The following SORCS1 variants were observed in gnomAD, a reference collection of about 807,000 sequenced individuals.
The protein encoded by SORCS1 is sortilin related VPS10 domain containing receptor 1, also known as VPS10 domain-containing receptor SorCS1.
SORCS1 carries 60 observed loss-of-function variants against 146.1 expected under a neutral mutation model. The ratio of observed to expected loss-of-function variants is 0.41; its 90% CI spans 0.33 to 0.51. SORCS1 has a LOEUF of 0.51. SORCS1 is among the 20% of genes least tolerant of loss of function. The pLI, the probability that SORCS1 is intolerant of heterozygous loss-of-function variation, is 0.21. For synonymous variants in SORCS1, 637 were observed against 584.0 expected (o/e 1.09, Z -1.31); for missense variants, 1,352 against 1,487.6 (o/e 0.91, Z 1.50).
At chr10:106,893,550 G>A (rs539831239) in intron 2 of SORCS1, among the ~76,000 whole-genome samples, 1 of 151,964 alleles carries the variant, frequency 6.6e-6, no homozygotes, top group Non-Finnish European at 1.5e-5. Context: ...AAATCAATGC[G>A]GTATAATTTT....
At position 107,080,443 on chromosome 10, in the gene SORCS1, T is replaced by C. The variant is rs550672424; in HGVS notation, c.558+83526A>G. 2.6e-5 allele frequency among the ~76,000 whole-genome samples: 4 copies of C among 152,272 alleles called. No individual in the cohort carries two copies. The East Asian group carries it at 5.8e-4, about 22-fold the overall frequency. On this transcript the variant is annotated intron_variant, in intron 1 of 25. Coordinates refer to ENST00000263054, the MANE Select transcript of SORCS1 (RefSeq NM_052918.5). ...ACTTTGAATTTAAAGACAATTTTTG[T>C]CCTCAGGTTAAAAAAATCTTGTACT...
intron 1 of SORCS1, among the ~76,000 whole-genome samples, chr10:107,018,642 G>A (rs1337267167): frequency 6.6e-6 from 1 of 150,984 alleles, no homozygotes; most frequent in African/African-American, 2.4e-5. Context: ...AAGTGCCTCA[G>A]CCATGAACCT....
In SORCS1 at chr10:106,995,672, T is replaced by C. The variant is rs1956960078; in HGVS notation, c.559-39092A>G. ...TCCTAAGTTAGGGCTACATGGGAAG[T>C]TGAGCACTGACATTGCTCAAAAAAT... On this transcript the variant is annotated intron_variant, in intron 1 of 25. Coordinates refer to ENST00000263054, the MANE Select transcript of SORCS1 (RefSeq NM_052918.5). Among the ~76,000 whole-genome samples, 4 of 152,072 alleles carry C rather than the reference T, an allele frequency of 2.6e-5. 1 individual carries two copies. The South Asian group carries it at 8.3e-4, about 32-fold the overall frequency.
intron 21 of SORCS1, among the ~76,000 whole-genome samples, chr10:106,614,670 G>A (rs182294273): frequency 1.3e-5 from 2 of 152,252 alleles, no homozygotes; most frequent in Non-Finnish European, 2.9e-5. Flanking sequence ...CCACAAGGGA[G>A]AATGTTTATC....
chr10:106,773,262 G>A (rs548695436), intron 4 of SORCS1, among the ~76,000 whole-genome samples: 1 of 152,292 alleles, frequency 6.6e-6, no homozygotes, highest in African/African-American at 2.4e-5. Context: ...CTAGGCAAGG[G>A]CAGTCACTGG....
chr10:106,748,456 T>TG (rs1857907903), intron 5 of SORCS1, among the ~76,000 whole-genome samples: 1 of 152,136 alleles, frequency 6.6e-6, no homozygotes, highest in Non-Finnish European at 1.5e-5. Flanking sequence ...TGTGTTCTGA[T>TG]GGCTCCACAG....
chr10:106,780,876 C>A (rs990645125), intron 3 of SORCS1, among the ~76,000 whole-genome samples: 7 of 152,140 alleles, frequency 4.6e-5, no homozygotes. Flanking sequence ...AGCAATCATT[C>A]ATCACCCACT....
chr10:106,701,272 C>T (rs544095299), intron 8 of SORCS1, among the ~76,000 whole-genome samples: 13 of 152,158 alleles, frequency 8.5e-5, no homozygotes, highest in African/African-American at 3.1e-4. Flanking sequence ...ACAGCCTCAT[C>T]CCTCTCAGAT....
At chr10:106,946,206 T>C (rs1452421810) in intron 2 of SORCS1, among the ~76,000 whole-genome samples, 1 of 114,508 alleles carries the variant, frequency 8.7e-6, no homozygotes, top group Non-Finnish European at 2.2e-5. Context: ...TTTCATAACA[T>C]ACTCTTCAAA....
chr10:106,857,986 C>T (rs1295775895), intron 2 of SORCS1, among the ~76,000 whole-genome samples: 2 of 152,142 alleles, frequency 1.3e-5, no homozygotes, highest in South Asian at 2.1e-4. Flanking sequence ...AATGTGCTGC[C>T]GAGACATTAT....
intron 3 of SORCS1, among the ~76,000 whole-genome samples, chr10:106,785,175 C>T (rs1038497051): frequency 2.6e-5 from 4 of 152,196 alleles, no homozygotes; most frequent in Non-Finnish European, 5.9e-5. Flanking sequence ...TGTCTGAAGA[C>T]TGATCTAAAA....
intron 2 of SORCS1, among the ~76,000 whole-genome samples, chr10:106,916,490 CAT>C (rs1445831323): frequency 1.4e-5 from 2 of 146,154 alleles, no homozygotes; most frequent in Admixed American, 1.4e-4. Flanking sequence ...ATATTATATA[CAT>C]ATATAATTAT....
Position 107,019,312 on chromosome 10 carries a change from T to C in SORCS1, c.559-62732A>G, listed in dbSNP as rs189825888. Among the ~76,000 whole-genome samples the C allele has an allele frequency of 3.9e-5, 6 of 152,326 alleles. No homozygotes were observed. In the East Asian group the frequency reaches 1.2e-3, roughly 29 times the overall value. The stretch of plus-strand genomic sequence containing the variant: ...TCATGCAGTCCTTGGCTCAAATTCC[T>C]GATGACAACAGCTGAGTAAAGGTTG... On this transcript the variant is annotated intron_variant, in intron 1 of 25. Coordinates refer to ENST00000263054, the MANE Select transcript of SORCS1 (RefSeq NM_052918.5).
intron 2 of SORCS1, among the ~76,000 whole-genome samples, chr10:106,929,773 GCACACACACACA>G (rs36086801): frequency 6.7e-6 from 1 of 150,278 alleles, no homozygotes; most frequent in Non-Finnish European, 1.5e-5. Context: ...ATGTGCACGT[GCACACACACACA>G]CACACACACA....
intron 2 of SORCS1, among the ~76,000 whole-genome samples, chr10:106,862,781 A>C (rs56708053): frequency 2.2e-5 from 1 of 45,074 alleles, no homozygotes; most frequent in Middle Eastern, 7.0e-3. Context: ...CTGTCTCTAC[A>C]AAAAAAAAAA....
chr10:106,579,186 G>C, intron 25 of SORCS1, 183 bp downstream of exon 25: 1 of 1,614,088 alleles, frequency 6.2e-7, no homozygotes, highest in Non-Finnish European at 8.5e-7. Flanking sequence ...GTGACTGACT[G>C]GACTGATCAT....
At chr10:106,964,095 T>C (rs2139101485) in intron 1 of SORCS1, among the ~76,000 whole-genome samples, 1 of 152,268 alleles carries the variant, frequency 6.6e-6, no homozygotes, top group African/African-American at 2.4e-5. Context: ...GGAAAGGAAC[T>C]GAGGGAGAAA....
chr10:107,031,601 CT>C (rs796816089), intron 1 of SORCS1, among the ~76,000 whole-genome samples: 11,982 of 143,936 alleles, frequency 0.083, 1,426 homozygotes, highest in African/African-American at 0.27. Flanking sequence ...TTGTATCTCT[CT>C]TTTTTTTTTT....
At chr10:106,585,343 T>C (rs1845165703) in intron 24 of SORCS1, among the ~76,000 whole-genome samples, 3 of 152,110 alleles carry the variant, frequency 2.0e-5, no homozygotes, top group African/African-American at 7.2e-5. Flanking sequence ...AGGCCCCAGA[T>C]ATTCTCACTC....
Sources: gnomAD v4.1 joint callset for allele counts (sites outside exome capture counted in the v4.1 genomes callset) on GRCh38, gnomAD v4.1.1 for gene constraint, MANE v1.5 for transcripts, NCBI Gene and HGNC (gene_info 2026-07-23, HGNC 2026-07-21) for gene names.